ARHGEF4: variants seen among roughly 807,000 people sequenced by gnomAD.
ARHGEF4 encodes APC-stimulated guanine nucleotide exchange factor 1.
Under a neutral mutation model 162.0 loss-of-function variants are expected in ARHGEF4, and 119 were observed. The ratio of observed to expected loss-of-function variants is 0.73; its 90% CI spans 0.63 to 0.86. The LOEUF (loss-of-function observed/expected upper bound fraction) is 0.86. Ranked by LOEUF, ARHGEF4 falls within the 40% of genes least tolerant of loss-of-function variation. The probability of loss-of-function intolerance (pLI) is 0.00; values close to 1 mark genes in which losing one functional copy is unlikely to be tolerated. For synonymous variants in ARHGEF4, 1,014 were observed against 979.9 expected (o/e 1.03, Z -0.65); for missense variants, 2,488 against 2,456.0 (o/e 1.01, Z -0.28).
chr2:131,043,754 C>T, intron 11 of ARHGEF4, 171 bp downstream of exon 11: 2 of 830,436 alleles, frequency 2.4e-6, no homozygotes, highest in South Asian at 1.7e-5. Context: ...GCCTGGTGGC[C>T]CAGGAGCAGC....
intron 4 of ARHGEF4, among the ~76,000 whole-genome samples, chr2:130,971,888 C>T (rs1357886031): frequency 1.3e-5 from 2 of 152,150 alleles, no homozygotes; most frequent in Non-Finnish European, 2.9e-5. Context: ...CTCTTCTCGA[C>T]GTTTCCAATA....
intron 4 of ARHGEF4, chr2:130,947,375 CAG>C (rs1377045393): frequency 6.6e-6 from 1 of 152,144 alleles, no homozygotes; most frequent in Non-Finnish European, 1.5e-5. Flanking sequence ...CCCTGGGCGA[CAG>C]AGTGATACTC....
intron 2 of ARHGEF4, among the ~76,000 whole-genome samples, chr2:130,923,511 G>A (rs1050938366): frequency 1.3e-5 from 2 of 152,200 alleles, no homozygotes; most frequent in Admixed American, 6.5e-5. Context: ...TCATCAAGTC[G>A]ATAAACTGAG....
intron 1 of ARHGEF4, among the ~76,000 whole-genome samples, chr2:130,902,439 C>T (rs952314550): frequency 6.6e-6 from 1 of 152,002 alleles, no homozygotes; most frequent in African/African-American, 2.4e-5. Flanking sequence ...ACTAAAAATA[C>T]AAAAATTAGT....
chr2:130,845,241 C>G lies in ARHGEF4; in HGVS notation c.39+8249C>G, dbSNP rs903415748. 3.2e-4 allele frequency among the ~76,000 whole-genome samples: 48 copies of G among 150,570 alleles called. 1 individual carries two copies. Among genetic ancestry groups the G allele is most frequent in the Admixed American group, 6.6e-5 (1 of 15,100 alleles). Reference sequence around the variant, plus strand: ...TCTAGGTAGAAAGTGAGTTTTTGGCCGGGCACGGTGGCTCACACCTGTAAT... The same window carrying G: ...TCTAGGTAGAAAGTGAGTTTTTGGCGGGGCACGGTGGCTCACACCTGTAAT... On this transcript the variant is annotated intron_variant, in intron 1 of 13. Coordinates refer to ENST00000409359, the MANE Select transcript of ARHGEF4 (RefSeq NM_001367493.1).
In ARHGEF4 at chr2:130,931,185, A is replaced by G. The variant is rs1481420579; in HGVS notation, c.3786A>G (p.Arg1262=). ...ACCTGTGGCTGGAGAAGACACAGAG[A>G]AAGAAGTTGCAGAAGCAGGCCCACG... ...VDDLWLEKTQ[R]KKLQKQAHVE... The change falls in exon 3 of 14, where the codon AGA becomes AGG. Residue 1262 remains arginine (R), a synonymous_variant. Transcript: ENST00000409359. 2 of 1,614,086 alleles carry G rather than the reference A, an allele frequency of 1.2e-6. No homozygotes were observed. Among genetic ancestry groups the G allele is most frequent in the African/African-American group, 1.3e-5 (1 of 75,054 alleles).
chr2:130,929,461 TA>T (rs1248141285), intron 2 of ARHGEF4, among the ~76,000 whole-genome samples: 5 of 152,218 alleles, frequency 3.3e-5, no homozygotes, highest in Non-Finnish European at 7.3e-5. Flanking sequence ...AATTAAATCC[TA>T]ATCTTGTAGA....
intron 3 of ARHGEF4, among the ~76,000 whole-genome samples, chr2:130,944,685 G>A (rs1683501559): frequency 6.6e-6 from 1 of 151,988 alleles, no homozygotes; most frequent in African/African-American, 2.4e-5. Flanking sequence ...CTTAGAGCAT[G>A]GTGATATAAG....
intron 1 of ARHGEF4, among the ~76,000 whole-genome samples, chr2:130,884,310 A>C (rs1002368110): frequency 2.6e-5 from 4 of 152,054 alleles, no homozygotes; most frequent in Non-Finnish European, 4.4e-5. Flanking sequence ...GTGCACACAC[A>C]CACACACACC....
intron 4 of ARHGEF4, among the ~76,000 whole-genome samples, chr2:130,962,929 T>C (rs1373325581): frequency 1.3e-5 from 2 of 152,208 alleles, no homozygotes; most frequent in Admixed American, 1.3e-4. Flanking sequence ...CCTCCTGGAA[T>C]TTGCATTTGC....
chr2:130,849,103 C>G (rs975087988), intron 1 of ARHGEF4, among the ~76,000 whole-genome samples: 3 of 152,320 alleles, frequency 2.0e-5, no homozygotes, highest in Middle Eastern at 3.4e-3. Context: ...AGCACCTCTT[C>G]CCACCCTCCC....
chr2:130,879,392 C>T (rs183254860), intron 1 of ARHGEF4, among the ~76,000 whole-genome samples: 25 of 152,096 alleles, frequency 1.6e-4, no homozygotes, highest in African/African-American at 5.5e-4. Flanking sequence ...TGTGGAATGG[C>T]GAAATCAAGC....
intron 1 of ARHGEF4, among the ~76,000 whole-genome samples, chr2:130,862,597 C>T (rs2104908369): frequency 5.1e-5 from 2 of 39,276 alleles, no homozygotes; most frequent in South Asian, 2.5e-3. Context: ...GGGCCAGGCA[C>T]AGTGGCTCAC....
intron 4 of ARHGEF4, among the ~76,000 whole-genome samples, chr2:130,960,770 C>T (rs1684579395): frequency 1.3e-5 from 2 of 152,136 alleles, no homozygotes; most frequent in South Asian, 4.2e-4. Context: ...CAGAGATCCC[C>T]AGCACCTTTG....
At chr2:130,860,469 G>A (rs1681949398) in intron 1 of ARHGEF4, among the ~76,000 whole-genome samples, 1 of 78,960 alleles carries the variant, frequency 1.3e-5, no homozygotes, top group Non-Finnish European at 2.2e-5. Flanking sequence ...AGCACTTTGG[G>A]AGGCCGAGGC....
At chr2:131,007,800 CTTTTTTTTTTTTT>C (rs70994731) in intron 4 of ARHGEF4, among the ~76,000 whole-genome samples, 5 of 55,914 alleles carry the variant, frequency 8.9e-5, no homozygotes, top group Non-Finnish European at 1.3e-4. Flanking sequence ...CTTTTCTTTT[CTTTTTTTTTTTTT>C]TTTTTTTTTT....
intron 4 of ARHGEF4, among the ~76,000 whole-genome samples, chr2:130,968,269 A>G (rs1041952156): frequency 1.3e-5 from 2 of 152,146 alleles, no homozygotes; most frequent in Non-Finnish European, 2.9e-5. Context: ...GTGTTTAAAC[A>G]TCCCCAAGCC....
chr2:130,901,055 G>C (rs1680459261), intron 1 of ARHGEF4, among the ~76,000 whole-genome samples: 1 of 152,096 alleles, frequency 6.6e-6, no homozygotes, highest in South Asian at 2.1e-4. Context: ...CCCAGTGCTG[G>C]TGGGCTTCCC....
At chr2:130,918,531 C>T (rs547688124) in intron 2 of ARHGEF4, among the ~76,000 whole-genome samples, 31 of 152,356 alleles carry the variant, frequency 2.0e-4, no homozygotes, top group African/African-American at 7.0e-4. Flanking sequence ...GCCACAGCCA[C>T]CCCACGCGGT....
Sources: gnomAD v4.1 joint callset for allele counts (sites outside exome capture counted in the v4.1 genomes callset) on GRCh38, gnomAD v4.1.1 for gene constraint, MANE v1.5 for transcripts, NCBI Gene and HGNC (gene_info 2026-07-23, HGNC 2026-07-21) for gene names.